The following CD74 variants were observed in gnomAD, a reference collection of about 807,000 sequenced individuals.
CD74 encodes the protein HLA class II histocompatibility antigen gamma chain.
Under a neutral mutation model 37.1 loss-of-function variants are expected in CD74, and 20 were observed. That is an observed-to-expected ratio of 0.54 (90% confidence interval 0.38 to 0.78). The LOEUF (loss-of-function observed/expected upper bound fraction) is 0.78. Ranked by LOEUF, CD74 falls within the 30% of genes least tolerant of loss-of-function variation. The pLI is 0.00. For missense variants in CD74, 338 were observed against 389.5 expected (o/e 0.87, Z 1.11); for synonymous variants, 150 against 152.0 (o/e 0.99, Z 0.10).
In CD74 at chr5:150,412,872, T is replaced by TA. The variant is rs1263093910; in HGVS notation, c.-124dup. Reference sequence around the variant, plus strand: ...AAGTGAAAGCTACAAAGGCTGGAAATACCCCACTTTGGTGAAGCTGCCTTT... The same window carrying TA: ...AAGTGAAAGCTACAAAGGCTGGAAATAACCCCACTTTGGTGAAGCTGCCTTT... On this transcript the variant is annotated 5_prime_UTR_variant, in exon 1 of 9. Coordinates refer to ENST00000009530, the MANE Select transcript of CD74 (RefSeq NM_001025159.3). 1.3e-6 allele frequency: 2 copies of TA among 1,535,760 alleles called. No homozygotes were observed. The highest frequency in any genetic ancestry group is 2.7e-5 in the African/African-American group (2 of 73,092).
At position 150,412,759 on chromosome 5, in the gene CD74, TGACCCCCC is replaced by T; in HGVS notation, c.-18_-11del. 1 of 1,613,848 alleles carries T rather than the reference TGACCCCCC, an allele frequency of 6.2e-7. No individual in the cohort carries two copies. The highest frequency in any genetic ancestry group is 8.5e-7 in the Non-Finnish European group (1 of 1,179,866). Reference sequence around the variant, plus strand: ...TTCTCCTCCTGTGCATCTGGGACCCTGACCCCCCGGCTCGCCTCTTAAAGTCGGTGCTG... The same window carrying T: ...TTCTCCTCCTGTGCATCTGGGACCCTGGCTCGCCTCTTAAAGTCGGTGCTG... On this transcript the variant is annotated 5_prime_UTR_variant, in exon 1 of 9. Coordinates refer to ENST00000009530, the MANE Select transcript of CD74 (RefSeq NM_001025159.3).
chr5:150,404,662 A>G lies in CD74; in HGVS notation c.625+18T>C, dbSNP rs1482456162. On this transcript the variant is annotated intron_variant, in intron 6 of 8. Transcript: ENST00000009530. ...GGGTCCAGAAGCCCTGGCACGCTAAAGCTCCCACTCCCTGTACCTTTCGGT... is the reference window on the plus strand; with the variant it reads ...GGGTCCAGAAGCCCTGGCACGCTAAGGCTCCCACTCCCTGTACCTTTCGGT... The G allele has an allele frequency of 1.3e-6, 2 of 1,533,612 alleles. No homozygotes were observed. Among genetic ancestry groups the G allele is most frequent in the African/African-American group, 2.7e-5 (2 of 72,988 alleles).
intron 1 of CD74, among the ~76,000 whole-genome samples, chr5:150,410,789 A>T (rs1239574032): frequency 1.3e-5 from 2 of 152,176 alleles, no homozygotes; most frequent in Non-Finnish European, 2.9e-5. Flanking sequence ...AACAGGCTCC[A>T]GTCTGGAATG....
At chr5:150,406,685 G>C in intron 3 of CD74, 196 bp downstream of exon 3, 1 of 587,174 alleles carries the variant, frequency 1.7e-6, no homozygotes. Context: ...TTCCTCCCAG[G>C]GATGGCACCA....
At chr5:150,411,164 G>A (rs1054463345) in intron 1 of CD74, among the ~76,000 whole-genome samples, 1 of 152,222 alleles carries the variant, frequency 6.6e-6, no homozygotes, top group Non-Finnish European at 1.5e-5. Flanking sequence ...AATTAAAATT[G>A]AGTTTAGCCT....
In CD74 at chr5:150,407,025, A is replaced by G. The variant is rs2151180474; in HGVS notation, c.299-65T>C. ...CCAGGGAGGAGGGTATCAGACCCAG[A>G]TGAGGAAGGGCTGGAATTCCAAACC... is the stretch of plus-strand genomic sequence containing the variant. On this transcript the variant is annotated intron_variant, in intron 2 of 8. Coordinates refer to ENST00000009530, the MANE Select transcript of CD74 (RefSeq NM_001025159.3). The surrounding 1 kb of genome is among the most constrained non-coding windows in gnomAD (Gnocchi z 4.4). The G allele has an allele frequency of 6.5e-7, 1 of 1,531,530 alleles. No homozygotes were observed. Among genetic ancestry groups the G allele is most frequent in the Admixed American group, 1.9e-5 (1 of 51,364 alleles). The allele number at this position is 1,531,530 out of a possible 1,614,324, so 94.9% of individuals were successfully genotyped here.
chr5:150,408,090 A>T (rs1423350797), intron 1 of CD74, among the ~76,000 whole-genome samples: 1 of 150,224 alleles, frequency 6.7e-6, no homozygotes, highest in Non-Finnish European at 1.5e-5. Context: ...CAGGTATGTT[A>T]TTTTTTTTAA....
At position 150,401,881 on chromosome 5, in the gene CD74, G is replaced by C; in HGVS notation, c.*359C>G. On this transcript the variant is annotated 3_prime_UTR_variant, in exon 9 of 9. Transcript: ENST00000009530. The stretch of plus-strand genomic sequence containing the variant: ...AGTCAGCATGTCCAGCCTGGGGTCT[G>C]GGTGTAGGGTTATCCCTTCTCCCTG... 2 of 723,868 alleles carry C rather than the reference G, an allele frequency of 2.8e-6. No homozygotes were observed. The highest frequency in any genetic ancestry group is 4.9e-6 in the Non-Finnish European group (2 of 405,648). The allele number at this position is 723,868 out of a possible 1,614,324, so 44.8% of individuals were successfully genotyped here.
At chr5:150,411,578 C>G (rs141322127) in intron 1 of CD74, among the ~76,000 whole-genome samples, 1 of 152,182 alleles carries the variant, frequency 6.6e-6, no homozygotes, top group Non-Finnish European at 1.5e-5. Flanking sequence ...TAATAGCCTT[C>G]TAGCCCTTTT....
intron 4 of CD74, 67 bp downstream of exon 4, chr5:150,406,192 T>TG: frequency 8.3e-7 from 1 of 1,207,868 alleles, no homozygotes; most frequent in Admixed American, 1.7e-5. Flanking sequence ...ATACAGGCCT[T>TG]GGAGCTTGGC....
At position 150,402,047 on chromosome 5, in the gene CD74, A is replaced by G; in HGVS notation, c.*193T>C. 6.5e-7 allele frequency: 1 copy of G among 1,537,404 alleles called. No individual in the cohort carries two copies. The highest frequency in any genetic ancestry group is 8.7e-7 in the Non-Finnish European group (1 of 1,146,780). On this transcript the variant is annotated 3_prime_UTR_variant, in exon 9 of 9. Transcript: ENST00000009530. This position sits in a 1 kb window ranked among gnomAD's most constrained non-coding sequence, Gnocchi z 4.2. ...TGTTGACAGATGGAGATTGGGCAGCAGGGCCTTGCTGCATTGTTATCTGCT... is the reference window on the plus strand; with the variant it reads ...TGTTGACAGATGGAGATTGGGCAGCGGGGCCTTGCTGCATTGTTATCTGCT...
chr5:150,408,524 C>T (rs1770130530), intron 1 of CD74, among the ~76,000 whole-genome samples: 2 of 152,198 alleles, frequency 1.3e-5, no homozygotes, highest in African/African-American at 4.8e-5. Context: ...TAATATCCAT[C>T]CTGCAGGGGG....
chr5:150,412,769 G>T lies in CD74; in HGVS notation c.-20C>A, dbSNP rs372726927. 250 of 1,613,378 alleles carry T rather than the reference G, an allele frequency of 1.5e-4. No individual in the cohort carries two copies. Among genetic ancestry groups the T allele is most frequent in the Non-Finnish European group, 2.0e-4 (232 of 1,179,826 alleles). On this transcript the variant is annotated 5_prime_UTR_variant, in exon 1 of 9. Coordinates refer to ENST00000009530, the MANE Select transcript of CD74 (RefSeq NM_001025159.3). ...GTGCATCTGGGACCCTGACCCCCCGGCTCGCCTCTTAAAGTCGGTGCTGGA... is the reference window on the plus strand; with the variant it reads ...GTGCATCTGGGACCCTGACCCCCCGTCTCGCCTCTTAAAGTCGGTGCTGGA...
rs2151169741 is a variant in CD74, at chr5:150,403,158, G to T, written c.780C>A (p.Val260=). Residue 260 remains valine (V), a synonymous_variant, in exon 7 of 9, where the codon GTC becomes GTA. Transcript: ENST00000009530. This position sits in a 1 kb window ranked among gnomAD's most constrained non-coding sequence, Gnocchi z 4.5. ...CWCVFPNGTE[V]PNTRSRGHHN... is the part of the protein sequence containing the mutation. ...GGTGCCCGCGGCTTCTGGTGTTGGG[G>T]ACCTCCGTGCCGTTGGGGAAGACAC... is the stretch of plus-strand genomic sequence containing the variant. 1 of 1,613,982 alleles carries T rather than the reference G, an allele frequency of 6.2e-7. No homozygotes were observed. Among genetic ancestry groups the T allele is most frequent in the Non-Finnish European group, 8.5e-7 (1 of 1,179,868 alleles).
chr5:150,402,471 C>G lies in CD74; in HGVS notation c.880+92G>C, dbSNP rs772765851. 2 of 1,125,102 alleles carry G rather than the reference C, an allele frequency of 1.8e-6. No individual in the cohort carries two copies. Among genetic ancestry groups the G allele is most frequent in the South Asian group, 2.5e-5 (2 of 81,028 alleles). The allele number at this position is 1,125,102 out of a possible 1,614,324, so 69.7% of individuals were successfully genotyped here. A position where few individuals can be genotyped will look rare whatever the true frequency, so the allele number is the denominator to read the frequency against. ...CATCCCAGGAATGTTGGAGAGTGGCCCAGCGTCACACTCCTTCACCTGCCC... is the reference window on the plus strand; with the variant it reads ...CATCCCAGGAATGTTGGAGAGTGGCGCAGCGTCACACTCCTTCACCTGCCC... On this transcript the variant is annotated intron_variant, in intron 8 of 8. Transcript: ENST00000009530. This position sits in a 1 kb window ranked among gnomAD's most constrained non-coding sequence, Gnocchi z 4.2.
At chr5:150,404,617 C>T (rs2151176612) in intron 6 of CD74, 63 bp downstream of exon 6, 1 of 1,014,434 alleles carries the variant, frequency 9.9e-7, no homozygotes, top group Non-Finnish European at 1.5e-6. Context: ...CCGGCCTCAG[C>T]AGCTTCAGGA....
chr5:150,412,596 G>C (rs530225455), intron 1 of CD74, 29 bp downstream of exon 1: 2 of 1,528,636 alleles, frequency 1.3e-6, no homozygotes, highest in African/African-American at 1.4e-5. Flanking sequence ...TCCAGGATCG[G>C]TGTGCCCTTT....
In CD74 at chr5:150,406,876, C is replaced by T; in HGVS notation, c.378+5G>A. 1 of 1,492,096 alleles carries T rather than the reference C, an allele frequency of 6.7e-7. No individual in the cohort carries two copies. The allele number at this position is 1,492,096 out of a possible 1,614,324, so 92.4% of individuals were successfully genotyped here. On this transcript the variant is annotated splice_donor_5th_base_variant and intron_variant, in intron 3 of 8. Transcript: ENST00000009530. ...CCCCTCCCACCACCCTGGGGCTGTC[C>T]TTACCCCCTGGGGCAGGGCTCCCAT...
rs1241163930 is a variant in CD74, at chr5:150,402,053, T to A, written c.*187A>T. 1.3e-6 allele frequency: 2 copies of A among 1,537,714 alleles called. No homozygotes were observed. Among genetic ancestry groups the A allele is most frequent in the Non-Finnish European group, 1.7e-6 (2 of 1,146,746 alleles). Reference sequence around the variant, plus strand: ...CAGATGGAGATTGGGCAGCAGGGCCTTGCTGCATTGTTATCTGCTGTTCCG... The same window carrying A: ...CAGATGGAGATTGGGCAGCAGGGCCATGCTGCATTGTTATCTGCTGTTCCG... On this transcript the variant is annotated 3_prime_UTR_variant, in exon 9 of 9. Coordinates refer to ENST00000009530, the MANE Select transcript of CD74 (RefSeq NM_001025159.3). The surrounding 1 kb of genome is among the most constrained non-coding windows in gnomAD (Gnocchi z 4.2).
Sources: gnomAD v4.1 joint callset for allele counts (sites outside exome capture counted in the v4.1 genomes callset) on GRCh38, gnomAD v4.1.1 for gene constraint, Gnocchi (gnomAD v3.1) non-coding constraint, MANE v1.5 for transcripts, NCBI Gene and HGNC (gene_info 2026-07-23, HGNC 2026-07-21) for gene names.